FANCC: variants seen among roughly 807,000 people sequenced by gnomAD.
FANCC encodes FA complementation group C.
A neutral mutation model predicts 71.3 loss-of-function variants in FANCC; 55 were observed. The ratio of observed to expected loss-of-function variants is 0.77; its 90% CI spans 0.62 to 0.97. The LOEUF is 0.97. Among genes scored for constraint, FANCC ranks in the 50% least tolerant of loss-of-function variants. The probability of loss-of-function intolerance (pLI) is 0.00; values close to 1 mark genes in which losing one functional copy is unlikely to be tolerated. For synonymous variants in FANCC, 275 were observed against 244.9 expected (o/e 1.12, Z -1.15); for missense variants, 678 against 670.9 (o/e 1.01, Z -0.12).
intron 6 of FANCC, among the ~76,000 whole-genome samples, chr9:95,151,404 T>C (rs1380569840): frequency 6.6e-6 from 1 of 152,166 alleles, no homozygotes; most frequent in African/African-American, 2.4e-5. Context: ...ATATAGAAAT[T>C]TAGTCTTGTG....
At position 95,249,201 on chromosome 9, in the gene FANCC, G is replaced by A. The variant is rs747616516; in HGVS notation, c.91C>T (p.Gln31Ter). 1 of 1,614,164 alleles carries A rather than the reference G, an allele frequency of 6.2e-7. No individual in the cohort carries two copies. The highest frequency in any genetic ancestry group is 8.5e-7 in the Non-Finnish European group (1 of 1,180,012). Reference sequence around the variant, plus strand: ...GCCACGTGAAGACAGGTGTCTTGCTGGGTTTCCAAAGTGGAAGCCTGATCC... The same window carrying A: ...GCCACGTGAAGACAGGTGTCTTGCTAGGTTTCCAAAGTGGAAGCCTGATCC... ...VWDQASTLET[Q>*]QDTCLHVAQF... The change falls in exon 2 of 15, where the codon CAG becomes TAG. Residue 31 changes from glutamine (Q) to a stop codon, truncating the protein, a stop_gained. Transcript: ENST00000289081. LOFTEE classifies it high-confidence loss of function.
intron 4 of FANCC, among the ~76,000 whole-genome samples, chr9:95,231,388 C>A (rs1303953540): frequency 6.6e-6 from 1 of 152,202 alleles, no homozygotes; most frequent in Non-Finnish European, 1.5e-5. Context: ...AGCCTGCCCA[C>A]TGACTGAGGT....
At chr9:95,110,978 T>C in intron 13 of FANCC, 1 of 1,413,048 alleles carries the variant, frequency 7.1e-7, no homozygotes, top group South Asian at 1.6e-5. Context: ...TAGTAAGAGA[T>C]GTAAATAAAG....
chr9:95,174,394 G>A (rs1825881868), intron 4 of FANCC, among the ~76,000 whole-genome samples: 1 of 152,082 alleles, frequency 6.6e-6, no homozygotes, highest in Non-Finnish European at 1.5e-5. Flanking sequence ...TATCACATGG[G>A]TGATTAAGTT....
intron 1 of FANCC, among the ~76,000 whole-genome samples, chr9:95,314,375 C>G (rs553157359): frequency 6.6e-6 from 1 of 152,210 alleles, no homozygotes; most frequent in East Asian, 1.9e-4. Flanking sequence ...TGCTTTCGGC[C>G]GGGCGCAGTG....
intron 4 of FANCC, among the ~76,000 whole-genome samples, chr9:95,227,922 T>C (rs1284326828): frequency 6.6e-6 from 1 of 152,188 alleles, no homozygotes; most frequent in Admixed American, 6.5e-5. Flanking sequence ...ACTTGGGGCC[T>C]TGTTCTTCAT....
At chr9:95,269,361 T>A (rs1270850299) in intron 1 of FANCC, among the ~76,000 whole-genome samples, 1 of 152,216 alleles carries the variant, frequency 6.6e-6, no homozygotes, top group Non-Finnish European at 1.5e-5. Flanking sequence ...GGGGGAATTG[T>A]TTTTACAAAC....
At chr9:95,249,441 G>A (rs1316511440) in intron 1 of FANCC, 72 bp from the exon 2 acceptor site, 20 of 719,560 alleles carry the variant, frequency 2.8e-5, no homozygotes, top group African/African-American at 5.3e-5. Flanking sequence ...CCCATTGATG[G>A]GTGAAGGAGG....
intron 14 of FANCC, among the ~76,000 whole-genome samples, chr9:95,104,030 C>T (rs540388663): frequency 3.9e-5 from 6 of 152,280 alleles, no homozygotes; most frequent in African/African-American, 1.2e-4. Context: ...GAGACCCAAG[C>T]TGTAGGAGGG....
At chr9:95,264,477 CA>C (rs1283621172) in intron 1 of FANCC, among the ~76,000 whole-genome samples, 1 of 152,176 alleles carries the variant, frequency 6.6e-6, no homozygotes, top group African/African-American at 2.4e-5. Context: ...TGGTACCTGT[CA>C]GGGGGACAAG....
At chr9:95,134,641 C>T (rs1273818800) in intron 8 of FANCC, among the ~76,000 whole-genome samples, 1 of 152,206 alleles carries the variant, frequency 6.6e-6, no homozygotes, top group Non-Finnish European at 1.5e-5. Context: ...TTCAGGGTGC[C>T]TTGGTCTTTA....
chr9:95,168,101 C>T (rs1475792924), intron 6 of FANCC, among the ~76,000 whole-genome samples: 1 of 152,124 alleles, frequency 6.6e-6, no homozygotes, highest in Non-Finnish European at 1.5e-5. Flanking sequence ...AGCTCCTAAT[C>T]TTCCCCTCCC....
In FANCC at chr9:95,247,421, T is replaced by C; in HGVS notation, c.250+11A>G. ...ATAGCCATTTTGAGAGGACACGTTTTTGATTCTTACCATATGCTAAAATAA... is the reference window on the plus strand; with the variant it reads ...ATAGCCATTTTGAGAGGACACGTTTCTGATTCTTACCATATGCTAAAATAA... On this transcript the variant is annotated intron_variant, in intron 3 of 14. Transcript: ENST00000289081. 6.2e-7 allele frequency: 1 copy of C among 1,603,418 alleles called. No individual in the cohort carries two copies. Among genetic ancestry groups the C allele is most frequent in the Non-Finnish European group, 8.5e-7 (1 of 1,170,288 alleles).
At chr9:95,208,285 T>C (rs1418408128) in intron 4 of FANCC, among the ~76,000 whole-genome samples, 1 of 151,672 alleles carries the variant, frequency 6.6e-6, no homozygotes. Flanking sequence ...TTAGTAGAGA[T>C]GGGGTTTCTC....
intron 3 of FANCC, among the ~76,000 whole-genome samples, chr9:95,247,014 A>T (rs796977215): frequency 2.0e-5 from 3 of 152,222 alleles, no homozygotes; most frequent in African/African-American, 7.2e-5. Flanking sequence ...ACTTTACAAC[A>T]TGGGAAAGAG....
At position 95,117,279 on chromosome 9, in the gene FANCC, A is replaced by G. The variant is rs560988669; in HGVS notation, c.1072+36T>C. 9.4e-6 allele frequency: 15 copies of G among 1,588,182 alleles called. No homozygotes were observed. The South Asian group carries it at 1.7e-4, about 18-fold the overall frequency. On this transcript the variant is annotated intron_variant, in intron 11 of 14. Coordinates refer to ENST00000289081, the MANE Select transcript of FANCC (RefSeq NM_000136.3). ...AATTTGACAATGCTCTTCCCAGGAA[A>G]TCATTCTGATGTGGGCAAAGTCAAC...
chr9:95,272,637 G>A (rs981021780), intron 1 of FANCC, among the ~76,000 whole-genome samples: 3 of 152,144 alleles, frequency 2.0e-5, no homozygotes, highest in African/African-American at 4.8e-5. Flanking sequence ...GGAGGTTGCA[G>A]TGAGCTGGGA....
At chr9:95,194,481 G>A (rs1176877100) in intron 4 of FANCC, among the ~76,000 whole-genome samples, 1 of 152,132 alleles carries the variant, frequency 6.6e-6, no homozygotes, top group Non-Finnish European at 1.5e-5. Flanking sequence ...CATGAGTAAC[G>A]CAGTTCCTCC....
Position 95,099,290 on chromosome 9 carries a change from G to A in FANCC, c.*2417C>T, listed in dbSNP as rs1238008728. The A allele has an allele frequency of 9.0e-6, 2 of 222,866 alleles. No homozygotes were observed. The highest frequency in any genetic ancestry group is 4.5e-5 in the African/African-American group (2 of 44,528). The allele number at this position is 222,866 out of a possible 1,614,324, so 13.8% of individuals were successfully genotyped here. A position where few individuals can be genotyped will look rare whatever the true frequency, so the allele number is the denominator to read the frequency against. On this transcript the variant is annotated 3_prime_UTR_variant, in exon 15 of 15. Transcript: ENST00000289081. The stretch of plus-strand genomic sequence containing the variant: ...TCTACAAAAACTCCTGCTAGAGTAA[G>A]GTCAGATTCCAGACCCTGTCGCACC...
Sources: gnomAD v4.1 joint callset for allele counts (sites outside exome capture counted in the v4.1 genomes callset) on GRCh38, gnomAD v4.1.1 for gene constraint, MANE v1.5 for transcripts, NCBI Gene and HGNC (gene_info 2026-07-23, HGNC 2026-07-21) for gene names.